Variants in PROC observed in about 807,000 individuals in gnomAD.
The protein encoded by PROC is vitamin K-dependent protein C.
Under a neutral mutation model 36.3 loss-of-function variants are expected in PROC, and 22 were observed. The observed-to-expected ratio is 0.61, with a 90% CI of 0.43 to 0.86. PROC has a LOEUF of 0.86. Ranked by LOEUF, PROC falls within the 40% of genes least tolerant of loss-of-function variation. The pLI is 0.00. For synonymous variants in PROC, 218 were observed against 244.5 expected (o/e 0.89, Z 1.01); for missense variants, 526 against 629.7 (o/e 0.84, Z 1.76).
rs878955145 is a variant in PROC at position 127,426,556 on chromosome 2, C to T, written c.678+329C>T. On this transcript the variant is annotated intron_variant, in intron 7 of 8. Transcript: ENST00000234071. The surrounding 1 kb of genome is among the most constrained non-coding windows in gnomAD (Gnocchi z 7.0). ...ATGGGAGAGGGCTAGGAGGGAGGGCCGGGCCTGAGTACCCCTCCAGCCTCC... is the reference window on the plus strand; with the variant it reads ...ATGGGAGAGGGCTAGGAGGGAGGGCTGGGCCTGAGTACCCCTCCAGCCTCC... 2.7e-5 allele frequency: 11 copies of T among 409,704 alleles called. No homozygotes were observed. The highest frequency in any genetic ancestry group is 1.1e-4 in the South Asian group (5 of 44,806). 25.4% of individuals were successfully genotyped at this position (409,704 alleles called of 1,614,324 possible).
intron 1 of PROC, among the ~76,000 whole-genome samples, chr2:127,419,186 C>T (rs995435074): frequency 5.3e-5 from 8 of 152,116 alleles, no homozygotes; most frequent in Non-Finnish European, 7.3e-5. Context: ...TCAACGGAGA[C>T]CAGCAAGGGT....
Position 127,428,718 on chromosome 2 carries a change from G to C in PROC, c.1158G>C (p.Leu386=), listed in dbSNP as rs1238910557. The change falls in exon 9 of 9, where the codon CTG becomes CTC. Residue 386 remains leucine, a synonymous_variant. Transcript: ENST00000234071. ...GCAACATGGTGTCTGAGAACATGCT[G>C]TGTGCGGGCATCCTCGGGGACCGGC... ...VMSNMVSENM[L]CAGILGDRQD... 1.2e-6 allele frequency: 2 copies of C among 1,613,744 alleles called. No individual in the cohort carries two copies. Among genetic ancestry groups the C allele is most frequent in the South Asian group, 2.2e-5 (2 of 91,092 alleles).
intron 6 of PROC, 157 bp downstream of exon 6, chr2:127,423,565 G>C: frequency 1.0e-6 from 1 of 975,516 alleles, no homozygotes; most frequent in Non-Finnish European, 1.4e-6. Context: ...CCCCAACACC[G>C]GGGCCACTGT....
At position 127,429,043 on chromosome 2, in the gene PROC, C is replaced by T; in HGVS notation, c.*97C>T. Reference sequence around the variant, plus strand: ...CCGGCCTGCTGTTCTGTCCTTCCATCCCTCTTTTGGGCTCTTCTGGAGGGA... The same window carrying T: ...CCGGCCTGCTGTTCTGTCCTTCCATTCCTCTTTTGGGCTCTTCTGGAGGGA... On this transcript the variant is annotated 3_prime_UTR_variant, in exon 9 of 9. Transcript: ENST00000234071. The T allele has an allele frequency of 7.2e-7, 1 of 1,398,566 alleles. No homozygotes were observed. The highest frequency in any genetic ancestry group is 1.8e-5 in the Admixed American group (1 of 55,272). The allele number at this position is 1,398,566 out of a possible 1,614,324, so 86.6% of individuals were successfully genotyped here.
chr2:127,423,546 G>A lies in PROC; in HGVS notation c.535+138G>A, dbSNP rs117721121. On this transcript the variant is annotated intron_variant, in intron 6 of 8. Transcript: ENST00000234071. Reference sequence around the variant, plus strand: ...AACAGAGTTGAGCCTTGGGGCAGCGGCAGACGCGCCCCAACACCGGGGCCA... The same window carrying A: ...AACAGAGTTGAGCCTTGGGGCAGCGACAGACGCGCCCCAACACCGGGGCCA... 2.0e-4 allele frequency: 241 copies of A among 1,188,670 alleles called. 2 individuals carry two copies. The East Asian group carries it at 6.9e-3, about 34-fold the overall frequency. The allele number at this position is 1,188,670 out of a possible 1,614,324, so 73.6% of individuals were successfully genotyped here.
In PROC at chr2:127,428,374, C is replaced by T. The variant is rs121918154; in HGVS notation, c.814C>T (p.Arg272Cys). Reference sequence around the variant, plus strand: ...CCCTGCAGGAGAGTATGACCTGCGGCGCTGGGAGAAGTGGGAGCTGGACCT... The same window carrying T: ...CCCTGCAGGAGAGTATGACCTGCGGTGCTGGGAGAAGTGGGAGCTGGACCT... The part of the protein sequence containing the change: ...LVRLGEYDLR[R>C]WEKWELDLDI... Residue 272 changes from arginine to cysteine, a missense_variant, in exon 9 of 9, where the codon CGC becomes TGC. Arg to Cys is a radical substitution (Grantham distance 180, BLOSUM62 -3). Transcript: ENST00000234071. 34 of 1,613,908 alleles carry T rather than the reference C, an allele frequency of 2.1e-5. No homozygotes were observed. The highest frequency in any genetic ancestry group is 2.7e-5 in the African/African-American group (2 of 74,942).
rs1244334846 is a variant in PROC, at chr2:127,426,337, C to T, written c.678+110C>T. ...AACCGAGAGGGAAGCGCTGCCATTG[C>T]GTTTGGGGGATGATGAAGGTGGGGG... On this transcript the variant is annotated intron_variant, in intron 7 of 8. Transcript: ENST00000234071. The surrounding 1 kb of genome is among the most constrained non-coding windows in gnomAD (Gnocchi z 7.0). 28 of 1,429,046 alleles carry T rather than the reference C, an allele frequency of 2.0e-5. No individual in the cohort carries two copies. The highest frequency in any genetic ancestry group is 1.2e-4 in the South Asian group (10 of 85,238). 88.5% of individuals were successfully genotyped at this position (1,429,046 alleles called of 1,614,324 possible). A position where few individuals can be genotyped will look rare whatever the true frequency, so the allele number is the denominator to read the frequency against.
Position 127,418,507 on chromosome 2 carries a change from A to T in PROC, c.-22+15A>T. The T allele has an allele frequency of 7.8e-7, 1 of 1,289,716 alleles. No homozygotes were observed. Among genetic ancestry groups the T allele is most frequent in the Non-Finnish European group, 1.0e-6 (1 of 988,774 alleles). The allele number at this position is 1,289,716 out of a possible 1,614,324, so 79.9% of individuals were successfully genotyped here. On this transcript the variant is annotated intron_variant, in intron 1 of 8. Transcript: ENST00000234071. This position sits in a 1 kb window ranked among gnomAD's most constrained non-coding sequence, Gnocchi z 4.8. ...GACCCGCCCCTGTGAGTCCCCCTCCAGGCAGGTCTATGAGGGGTGTGGAGG... is the reference window on the plus strand; with the variant it reads ...GACCCGCCCCTGTGAGTCCCCCTCCTGGCAGGTCTATGAGGGGTGTGGAGG...
chr2:127,423,436 G>A (rs1246342283), intron 6 of PROC, 28 bp downstream of exon 6: 1 of 1,544,728 alleles, frequency 6.5e-7, no homozygotes, highest in Non-Finnish European at 8.7e-7. Context: ...CATCGCCCAG[G>A]AATCACGCTG....
Position 127,423,023 on chromosome 2 carries a change from T to C in PROC, c.263-11T>C. ...CTGGCCGCTGACCCCCTACCCCGCCTTGTGTCGCAGACGGTGACCAGTGCT... is the reference window on the plus strand; with the variant it reads ...CTGGCCGCTGACCCCCTACCCCGCCCTGTGTCGCAGACGGTGACCAGTGCT... On this transcript the variant is annotated splice_polypyrimidine_tract_variant and intron_variant, in intron 4 of 8. Coordinates refer to ENST00000234071, the MANE Select transcript of PROC (RefSeq NM_000312.4). 1.9e-6 allele frequency: 3 copies of C among 1,612,522 alleles called. No homozygotes were observed. Among genetic ancestry groups the C allele is most frequent in the Non-Finnish European group, 2.5e-6 (3 of 1,179,790 alleles).
chr2:127,428,666 C>T lies in PROC; in HGVS notation c.1106C>T (p.Pro369Leu), dbSNP rs1211098698. ...AACTTCATCAAGATTCCCGTGGTCC[C>T]GCACAATGAGTGCAGCGAGGTCATG... The part of the protein sequence containing the change: ...VLNFIKIPVV[P>L]HNECSEVMSN... The change falls in exon 9 of 9, where the codon CCG becomes CTG. Residue 369 changes from proline to leucine, a missense_variant. Pro to Leu is a moderately conservative substitution (Grantham distance 98). Transcript: ENST00000234071. 3 of 1,613,896 alleles carry T rather than the reference C, an allele frequency of 1.9e-6. No homozygotes were observed. Among genetic ancestry groups the T allele is most frequent in the Non-Finnish European group, 2.5e-6 (3 of 1,180,056 alleles).
chr2:127,423,402 C>T lies in PROC; in HGVS notation c.529C>T (p.Pro177Ser). ...GGGGGACGACCTCCTGCAGTGTCAC[C>T]CCGCAGGTGAGAAGCCCCCAATACA... ...KLGDDLLQCHPAVKFPCGRPW... is the reference protein window; with the variant it reads ...KLGDDLLQCHSAVKFPCGRPW... The change falls in exon 6 of 9, where the codon CCC becomes TCC. Residue 177 changes from proline (P) to serine (S), a missense_variant. Pro to Ser is a moderately conservative substitution (Grantham distance 74). Coordinates refer to ENST00000234071, the MANE Select transcript of PROC (RefSeq NM_000312.4). 2 of 1,549,896 alleles carry T rather than the reference C, an allele frequency of 1.3e-6. No homozygotes were observed. The highest frequency in any genetic ancestry group is 1.7e-6 in the Non-Finnish European group (2 of 1,146,978).
Position 127,426,208 on chromosome 2 carries a change from G to T in PROC, c.659G>T (p.Arg220Leu), listed in dbSNP as rs121918153. Residue 220 changes from arginine to leucine, a missense_variant, in exon 7 of 9, where the codon CGG becomes CTG. Arg to Leu is a moderately radical substitution (Grantham distance 102). Coordinates refer to ENST00000234071, the MANE Select transcript of PROC (RefSeq NM_000312.4). The surrounding 1 kb of genome is among the most constrained non-coding windows in gnomAD (Gnocchi z 7.0). ...CTCATTGATGGGAAGATGACCAGGC[G>T]GGGAGACAGCCCCTGGCAGGTGGGA... ...PRLIDGKMTR[R>L]GDSPWQVVLL... The T allele has an allele frequency of 6.2e-7, 1 of 1,614,078 alleles. No homozygotes were observed. The highest frequency in any genetic ancestry group is 8.5e-7 in the Non-Finnish European group (1 of 1,180,028).
chr2:127,422,960 C>G lies in PROC; in HGVS notation c.262+19C>G. On this transcript the variant is annotated intron_variant, in intron 4 of 8. Transcript: ENST00000234071. ...CACGTCGGTGAGTGCGTTCTAGATC[C>G]CCGGCTGGACTACCGGCGCCCGCGC... The G allele has an allele frequency of 6.2e-7, 1 of 1,607,026 alleles. No homozygotes were observed. The highest frequency in any genetic ancestry group is 8.5e-7 in the Non-Finnish European group (1 of 1,177,586).
rs1284380999 is a variant in PROC, at chr2:127,426,489, GAC to G, written c.678+265_678+266del. Reference sequence around the variant, plus strand: ...TACAGTTTCTAAAAAGAGCTGGAAAGACACTGCTCTGCTGGCGGGATTTTAGG... The same window carrying G: ...TACAGTTTCTAAAAAGAGCTGGAAAGACTGCTCTGCTGGCGGGATTTTAGG... On this transcript the variant is annotated intron_variant, in intron 7 of 8. Coordinates refer to ENST00000234071, the MANE Select transcript of PROC (RefSeq NM_000312.4). This position sits in a 1 kb window ranked among gnomAD's most constrained non-coding sequence, Gnocchi z 7.0. The G allele has an allele frequency of 5.6e-6, 3 of 534,856 alleles. No individual in the cohort carries two copies. In the East Asian group the frequency reaches 1.0e-4, roughly 18 times the overall value. The allele number at this position is 534,856 out of a possible 1,614,324, so 33.1% of individuals were successfully genotyped here.
chr2:127,426,213 G>A lies in PROC; in HGVS notation c.664G>A (p.Asp222Asn). 6.2e-7 allele frequency: 1 copy of A among 1,614,074 alleles called. No individual in the cohort carries two copies. Among genetic ancestry groups the A allele is most frequent in the East Asian group, 2.2e-5 (1 of 44,886 alleles). ...TGATGGGAAGATGACCAGGCGGGGA[G>A]ACAGCCCCTGGCAGGTGGGAGGCGA... ...LIDGKMTRRGDSPWQVVLLDS... is the reference protein window; with the variant it reads ...LIDGKMTRRGNSPWQVVLLDS... Residue 222 changes from aspartate (D) to asparagine (N), a missense_variant, in exon 7 of 9, where the codon GAC becomes AAC. By Grantham distance (23) the Asp-to-Asn change is conservative. Transcript: ENST00000234071. This position sits in a 1 kb window ranked among gnomAD's most constrained non-coding sequence, Gnocchi z 7.0.
intron 1 of PROC, among the ~76,000 whole-genome samples, chr2:127,419,163 C>T (rs1385922913): frequency 6.6e-6 from 1 of 152,160 alleles, no homozygotes; most frequent in Non-Finnish European, 1.5e-5. Context: ...GGGTTGGTGA[C>T]TTCCCTGTGC....
At chr2:127,428,215 T>A (rs1688649764) in intron 8 of PROC, 142 bp from the exon 9 acceptor site, 1 of 802,812 alleles carries the variant, frequency 1.2e-6, no homozygotes, top group African/African-American at 1.7e-5. Flanking sequence ...GCCTGGGACG[T>A]GTGGGTGCAC....
At chr2:127,419,034 G>A (rs1687920692) in intron 1 of PROC, among the ~76,000 whole-genome samples, 1 of 152,128 alleles carries the variant, frequency 6.6e-6, no homozygotes, top group Admixed American at 6.5e-5. Context: ...AGTAATGCAT[G>A]GATGTAAACA....
Sources: allele counts gnomAD v4.1 joint callset (sites outside exome capture counted in the v4.1 genomes callset), GRCh38; gene constraint gnomAD v4.1.1; non-coding constraint Gnocchi (gnomAD v3.1); transcripts MANE v1.5; gene names NCBI Gene and HGNC (gene_info 2026-07-23, HGNC 2026-07-21).